The following SGCD variants were observed in gnomAD, a reference collection of about 807,000 sequenced individuals.
SGCD encodes sarcoglycan delta.
SGCD carries 18 observed loss-of-function variants against 36.6 expected under a neutral mutation model. The ratio of observed to expected loss-of-function variants is 0.49; its 90% CI spans 0.34 to 0.73. SGCD has a LOEUF of 0.73. SGCD is among the 30% of genes least tolerant of loss of function. SGCD has a pLI of 0.01. For missense variants in SGCD, 387 were observed against 346.7 expected, an observed-to-expected ratio of 1.12 and a Z score of -0.92; for synonymous variants, 133 against 130.6, an observed-to-expected ratio of 1.02 and a Z score of -0.12.
chr5:156,508,669 A>G lies in SGCD; in HGVS notation c.261A>G (p.Gln87=). The G allele has an allele frequency of 1.2e-6, 2 of 1,611,024 alleles. No homozygotes were observed. Among genetic ancestry groups the G allele is most frequent in the African/African-American group, 1.3e-5 (1 of 74,932 alleles). ...LKLEGDSEFL[Q]PLYAKEIQSR... ...TAGAAGGAGACTCTGAATTCTTACA[A>G]CCTCTCTACGCCAAAGAAATCCAGT... The change falls in exon 4 of 9, where the codon CAA becomes CAG. Residue 87 remains glutamine, a synonymous_variant. Transcript: ENST00000337851.
At chr5:156,272,434 T>C (rs1766205496) in intron 3 of SGCD, among the ~76,000 whole-genome samples, 1 of 152,244 alleles carries the variant, frequency 6.6e-6, no homozygotes, top group Non-Finnish European at 1.5e-5. Flanking sequence ...GATGGGCACT[T>C]ACGTCAGGTC....
At chr5:156,105,770 C>T (rs1247025555) in intron 1 of SGCD, among the ~76,000 whole-genome samples, 6 of 152,078 alleles carry the variant, frequency 3.9e-5, no homozygotes. Context: ...GTTTTCCTCC[C>T]TTCTGAGGAA....
chr5:156,455,183 C>G (rs1012853906), intron 3 of SGCD, among the ~76,000 whole-genome samples: 12 of 152,166 alleles, frequency 7.9e-5, no homozygotes, highest in Admixed American at 5.2e-4. Context: ...TAGGCAATTA[C>G]AACAGCTTTA....
intron 1 of SGCD, among the ~76,000 whole-genome samples, chr5:155,929,786 A>G (rs1757067418): frequency 6.6e-6 from 1 of 152,192 alleles, no homozygotes; most frequent in South Asian, 2.1e-4. Context: ...CTTTAGCAAA[A>G]TAATCATTCA....
chr5:156,537,345 T>C (rs1473990765), intron 4 of SGCD, among the ~76,000 whole-genome samples: 1 of 152,000 alleles, frequency 6.6e-6, no homozygotes, highest in Non-Finnish European at 1.5e-5. Flanking sequence ...TAGTACCTTC[T>C]GCATTCCTGG....
intron 1 of SGCD, among the ~76,000 whole-genome samples, chr5:156,046,163 C>A (rs148303081): frequency 8.5e-5 from 13 of 152,190 alleles, no homozygotes; most frequent in Non-Finnish European, 1.8e-4. Context: ...GGCCTCAGTA[C>A]ATCATCTCAC....
At chr5:156,214,827 C>T (rs1047858209) in intron 3 of SGCD, among the ~76,000 whole-genome samples, 2 of 151,824 alleles carry the variant, frequency 1.3e-5, no homozygotes, top group African/African-American at 4.8e-5. Flanking sequence ...GACAAGGGTG[C>T]CAAGAACACA....
chr5:156,556,720 T>G (rs1759035034), intron 4 of SGCD, among the ~76,000 whole-genome samples: 1 of 152,216 alleles, frequency 6.6e-6, no homozygotes, highest in African/African-American at 2.4e-5. Flanking sequence ...ATGTGCATTT[T>G]ACTCTCAGAT....
the SGCD span, among the ~76,000 whole-genome samples, chr5:155,789,449 A>G: frequency 1.3e-5 from 2 of 152,142 alleles, no homozygotes; most frequent in African/African-American, 4.8e-5. Flanking sequence ...TATTATTGAA[A>G]GAGAAACACA....
chr5:156,168,656 G>A (rs977480677), intron 3 of SGCD, among the ~76,000 whole-genome samples: 6 of 152,192 alleles, frequency 3.9e-5, no homozygotes, highest in East Asian at 1.9e-4. Context: ...AAACAAAAAC[G>A]TATTCAATTG....
At chr5:156,072,249 G>T (rs1760596916) in intron 1 of SGCD, among the ~76,000 whole-genome samples, 2 of 152,136 alleles carry the variant, frequency 1.3e-5, no homozygotes, top group South Asian at 2.1e-4. Flanking sequence ...AATTTGGCAT[G>T]ATTTTGCAGT....
At chr5:156,206,362 TTTGG>T (rs1203701714) in intron 3 of SGCD, among the ~76,000 whole-genome samples, 18 of 152,140 alleles carry the variant, frequency 1.2e-4, no homozygotes, top group African/African-American at 4.1e-4. Context: ...GACATATTTT[TTTGG>T]ATAAAACACT....
chr5:156,741,713 A>C (rs368115673), intron 7 of SGCD, among the ~76,000 whole-genome samples: 2 of 152,118 alleles, frequency 1.3e-5, no homozygotes, highest in South Asian at 4.1e-4. Flanking sequence ...TAACTATAGA[A>C]ATGACAGCAT....
rs537897707 is a variant in SGCD, at chr5:156,762,553, T to C, written c.*3163T>C. On this transcript the variant is annotated 3_prime_UTR_variant, in exon 9 of 9. Coordinates refer to ENST00000337851, the MANE Select transcript of SGCD (RefSeq NM_000337.6). ...TTCTCTTTGGATAATTTTCATCGCA[T>C]ATCCAGCAACTATAGACCAAAGTTT... 6.5e-6 allele frequency: 1 copy of C among 152,796 alleles called. No individual in the cohort carries two copies. Among genetic ancestry groups the C allele is most frequent in the East Asian group, 1.9e-4 (1 of 5,188 alleles). The allele number at this position is 152,796 out of a possible 1,614,324, so 9.5% of individuals were successfully genotyped here.
chr5:156,453,915 C>T (rs868203373), intron 3 of SGCD, among the ~76,000 whole-genome samples: 3 of 152,066 alleles, frequency 2.0e-5, no homozygotes, highest in Non-Finnish European at 4.4e-5. Flanking sequence ...AACTAATCTA[C>T]GATAAGAGAA....
At chr5:156,217,402 C>CA in intron 3 of SGCD, among the ~76,000 whole-genome samples, 1 of 152,254 alleles carries the variant, frequency 6.6e-6, no homozygotes, top group African/African-American at 2.4e-5. Flanking sequence ...CTATAGATCA[C>CA]CAAGGAGTTA....
chr5:155,846,052 A>T, the SGCD span, among the ~76,000 whole-genome samples: 1 of 152,216 alleles, frequency 6.6e-6, no homozygotes, highest in East Asian at 1.9e-4. Context: ...GCAGCTATCC[A>T]TGGAAGATTA....
Position 156,543,190 on chromosome 5 carries a change from C to A in SGCD, c.294+34488C>A, listed in dbSNP as rs1758419593. ...AAAGTTTCTTTATTGCGGGAGCTGT[C>A]CTGTGCACTGTAGGATCAGTGGTTT... On this transcript the variant is annotated intron_variant, in intron 4 of 8. Coordinates refer to ENST00000337851, the MANE Select transcript of SGCD (RefSeq NM_000337.6). Among the ~76,000 whole-genome samples, 9 of 152,286 alleles carry A rather than the reference C, an allele frequency of 5.9e-5. No individual in the cohort carries two copies. In the South Asian group the frequency reaches 1.9e-3, roughly 32 times the overall value.
At chr5:156,171,403 A>T (rs1348202181) in intron 3 of SGCD, among the ~76,000 whole-genome samples, 3 of 152,212 alleles carry the variant, frequency 2.0e-5, no homozygotes, top group Non-Finnish European at 4.4e-5. Flanking sequence ...ATTTTCATCA[A>T]TAGATCTAAA....
Sources: gnomAD v4.1 joint callset for allele counts (sites outside exome capture counted in the v4.1 genomes callset) on GRCh38, gnomAD v4.1.1 for gene constraint, MANE v1.5 for transcripts, NCBI Gene and HGNC (gene_info 2026-07-23, HGNC 2026-07-21) for gene names.